The following ABCA4 variants were observed in gnomAD, a reference collection of about 807,000 sequenced individuals.
The protein encoded by ABCA4 is retinal-specific phospholipid-transporting ATPase ABCA4.
A neutral mutation model predicts 263.7 loss-of-function variants in ABCA4; 196 were observed. That is an observed-to-expected ratio of 0.74 (90% CI 0.66 to 0.84). The LOEUF (loss-of-function observed/expected upper bound fraction) is 0.84. ABCA4 is among the 40% of genes least tolerant of loss of function. ABCA4 has a pLI of 0.00. For synonymous variants in ABCA4, 1,133 were observed against 1,094.2 expected, an observed-to-expected ratio of 1.04 and a Z score of -0.70; for missense variants, 2,792 against 2,855.1, an observed-to-expected ratio of 0.98 and a Z score of 0.50.
At position 94,033,423 on chromosome 1, in the gene ABCA4, C is replaced by CAAAA. The variant is rs11459922; in HGVS notation, c.3863-1384_3863-1381dup. ...TGGGTGACAGAGCAAAACTCTATCT[C>CAAAA]AAAAAAAAAAAAAAGAAAAAAAAAA... On this transcript the variant is annotated intron_variant, in intron 26 of 49. Coordinates refer to ENST00000370225, the MANE Select transcript of ABCA4 (RefSeq NM_000350.3). Among the ~76,000 whole-genome samples, 14 of 109,072 alleles carry CAAAA rather than the reference C, an allele frequency of 1.3e-4. 1 individual carries two copies. Among genetic ancestry groups the CAAAA allele is most frequent in the East Asian group, 8.7e-4 (3 of 3,448 alleles). The allele number at this position is 109,072 out of a possible 152,430, so 71.6% of individuals were successfully genotyped here.
intron 6 of ABCA4, 33 bp from the exon 7 acceptor site, chr1:94,083,474 T>C: frequency 1.3e-6 from 2 of 1,523,832 alleles, no homozygotes; most frequent in Non-Finnish European, 1.8e-6. Context: ...TTTTTAAATA[T>C]ATATATGTTT....
chr1:94,001,821 G>T (rs1659191315), intron 45 of ABCA4, 37 bp downstream of exon 45: 2 of 1,613,942 alleles, frequency 1.2e-6, no homozygotes, highest in African/African-American at 2.7e-5. Context: ...CCCAGCACTT[G>T]GTTTAAGCCC....
Position 94,093,882 on chromosome 1 carries a change from C to G in ABCA4, c.768+4912G>C, listed in dbSNP as rs187077956. 2.8e-4 allele frequency among the ~76,000 whole-genome samples: 42 copies of G among 152,300 alleles called. No homozygotes were observed. In the East Asian group the frequency reaches 5.0e-3, roughly 18 times the overall value. On this transcript the variant is annotated intron_variant, in intron 6 of 49. Transcript: ENST00000370225. The stretch of plus-strand genomic sequence containing the variant: ...GATGCAGGCAGAAAAAATACTAATG[C>G]TATAAATCAAATATATTTGCTGTGG...
intron 5 of ABCA4, 86 bp from the exon 6 acceptor site, chr1:94,099,077 G>A (rs533601873): frequency 7.3e-7 from 1 of 1,377,848 alleles, no homozygotes; most frequent in South Asian, 1.2e-5. Flanking sequence ...GGAATACCTT[G>A]TGTTACATGG....
At chr1:94,038,795 G>A (rs1310511287) in intron 24 of ABCA4, among the ~76,000 whole-genome samples, 4 of 152,104 alleles carry the variant, frequency 2.6e-5, no homozygotes, top group Non-Finnish European at 4.4e-5. Context: ...CTGGGAGGGA[G>A]GTCTGTGAGT....
chr1:94,001,662 G>T (rs1268398432), intron 45 of ABCA4, 196 bp downstream of exon 45: 1 of 796,702 alleles, frequency 1.3e-6, no homozygotes, highest in South Asian at 1.5e-5. Context: ...TCAAGGCTGT[G>T]CCGTGACTTG....
chr1:94,087,041 G>T (rs894827030), intron 6 of ABCA4, among the ~76,000 whole-genome samples: 1 of 152,194 alleles, frequency 6.6e-6, no homozygotes, highest in Non-Finnish European at 1.5e-5. Flanking sequence ...TTCTCTCTGT[G>T]TCTTCATATG....
chr1:94,013,759 T>C (rs149246296), intron 38 of ABCA4, among the ~76,000 whole-genome samples: 126 of 152,288 alleles, frequency 8.3e-4, no homozygotes, highest in African/African-American at 2.7e-3. Flanking sequence ...GCATTCAGCA[T>C]GGAGAACACC....
chr1:94,088,246 G>A (rs181092962), intron 6 of ABCA4, among the ~76,000 whole-genome samples: 10 of 152,176 alleles, frequency 6.6e-5, no homozygotes, highest in South Asian at 2.1e-4. Context: ...CTCCCTGGTC[G>A]TCTGTGACAC....
intron 6 of ABCA4, among the ~76,000 whole-genome samples, chr1:94,084,932 C>G (rs1289831040): frequency 6.6e-6 from 1 of 152,134 alleles, no homozygotes; most frequent in Non-Finnish European, 1.5e-5. Flanking sequence ...AAGTTAGCCC[C>G]AAGTCCTGCC....
At chr1:94,111,933 G>A (rs1027862275) in intron 2 of ABCA4, among the ~76,000 whole-genome samples, 1 of 152,216 alleles carries the variant, frequency 6.6e-6, no homozygotes, top group East Asian at 1.9e-4. Context: ...TTGAGCAGAC[G>A]CTCGTCTATT....
intron 36 of ABCA4, 67 bp from the exon 37 acceptor site, chr1:94,015,921 G>T: frequency 7.2e-7 from 1 of 1,382,090 alleles, no homozygotes. Flanking sequence ...TGCAAAATGA[G>T]GGGTGGGGCC....
chr1:94,018,626 G>A (rs1659804485), intron 36 of ABCA4: 1 of 455,484 alleles, frequency 2.2e-6, no homozygotes, highest in South Asian at 1.6e-5. Flanking sequence ...GTCTCCATCA[G>A]TTGGTATATC....
At chr1:94,038,426 G>C (rs1660402004) in intron 24 of ABCA4, among the ~76,000 whole-genome samples, 1 of 152,212 alleles carries the variant, frequency 6.6e-6, no homozygotes, top group Non-Finnish European at 1.5e-5. Context: ...GCAGCTCTCA[G>C]AGTTGTGGAC....
chr1:94,106,526 G>A (rs936744805), intron 4 of ABCA4, among the ~76,000 whole-genome samples: 5 of 152,054 alleles, frequency 3.3e-5, no homozygotes, highest in African/African-American at 1.2e-4. Flanking sequence ...CAGGGGAAGG[G>A]GGATTTCTTA....
In ABCA4 at chr1:94,060,570, C is replaced by T. The variant is rs61754025; in HGVS notation, c.2127G>A (p.Ser709=). 90 of 1,613,994 alleles carry T rather than the reference C, an allele frequency of 5.6e-5. No individual in the cohort carries two copies. The Admixed American group carries it at 6.0e-4, about 11-fold the overall frequency. ...TWFLDSFSIM[S]MSIFLLTIFI... ...ATATCGTCAGGAGGAAGATGCTCAT[C>T]GACATGATGGAGAAGCTGTCCAGGA... The change falls in exon 14 of 50, where the codon TCG becomes TCA. Residue 709 remains serine, a synonymous_variant. Coordinates refer to ENST00000370225, the MANE Select transcript of ABCA4 (RefSeq NM_000350.3).
intron 44 of ABCA4, among the ~76,000 whole-genome samples, chr1:94,004,379 T>A (rs995301481): frequency 1.3e-5 from 2 of 152,228 alleles, no homozygotes; most frequent in African/African-American, 4.8e-5. Flanking sequence ...AAAACATTTA[T>A]TAATTTATTT....
chr1:94,069,013 T>C (rs944028152), intron 11 of ABCA4, among the ~76,000 whole-genome samples: 2 of 152,186 alleles, frequency 1.3e-5, no homozygotes, highest in African/African-American at 4.8e-5. Context: ...CCACCACCAT[T>C]TGAAGTCCAC....
Position 94,031,233 on chromosome 1 carries a change from C to A in ABCA4, c.4129-113G>T. Reference sequence around the variant, plus strand: ...ATTTATCCTGCAGCCTCCTAATCAGCCCCTGGTGGAGAGGGTTGGGCTTCT... The same window carrying A: ...ATTTATCCTGCAGCCTCCTAATCAGACCCTGGTGGAGAGGGTTGGGCTTCT... On this transcript the variant is annotated intron_variant, in intron 27 of 49. Coordinates refer to ENST00000370225, the MANE Select transcript of ABCA4 (RefSeq NM_000350.3). The A allele has an allele frequency of 5.6e-6, 8 of 1,434,758 alleles. No individual in the cohort carries two copies. The South Asian group carries it at 9.8e-5, about 18-fold the overall frequency. 88.9% of individuals were successfully genotyped at this position (1,434,758 alleles called of 1,614,324 possible). A position where few individuals can be genotyped will look rare whatever the true frequency, so the allele number is the denominator to read the frequency against.
Sources: gnomAD v4.1 joint callset for allele counts (sites outside exome capture counted in the v4.1 genomes callset) on GRCh38, gnomAD v4.1.1 for gene constraint, MANE v1.5 for transcripts, NCBI Gene and HGNC (gene_info 2026-07-23, HGNC 2026-07-21) for gene names.